Variants in APBA1 observed in about 807,000 individuals in gnomAD.
APBA1 encodes the protein amyloid beta precursor protein binding family A member 1.
APBA1 carries 55 observed loss-of-function variants against 86.6 expected under a neutral mutation model. The observed-to-expected ratio is 0.64, with a 90% confidence interval of 0.51 to 0.80. APBA1 has a LOEUF of 0.80. Ranked by LOEUF, APBA1 falls within the 30% of genes least tolerant of loss-of-function variation. The pLI, the probability that APBA1 is intolerant of heterozygous loss-of-function variation, is 0.00. For synonymous variants in APBA1, 511 were observed against 493.9 expected, an observed-to-expected ratio of 1.03 and a Z score of -0.46; for missense variants, 1,090 against 1,183.0, an observed-to-expected ratio of 0.92 and a Z score of 1.15.
chr9:69,522,509 A>G (rs1564065852), intron 1 of APBA1, among the ~76,000 whole-genome samples: 2 of 152,202 alleles, frequency 1.3e-5, no homozygotes, highest in Non-Finnish European at 2.9e-5. Context: ...TGTTAATCCA[A>G]TGGGCATTTA....
chr9:69,536,867 A>G (rs1836520135), intron 1 of APBA1, among the ~76,000 whole-genome samples: 1 of 151,122 alleles, frequency 6.6e-6, no homozygotes, highest in Admixed American at 6.6e-5. Flanking sequence ...GTGACAGAGC[A>G]AGACTCTGTC....
At chr9:69,635,726 A>C (rs73453567) in intron 1 of APBA1, among the ~76,000 whole-genome samples, 7,835 of 152,256 alleles carry the variant, frequency 0.051, 303 homozygotes, top group African/African-American at 0.1. Flanking sequence ...ATATTTCAAG[A>C]CAAAAACTGT....
chr9:69,605,943 A>G (rs1443687589), intron 1 of APBA1, among the ~76,000 whole-genome samples: 2 of 152,226 alleles, frequency 1.3e-5, no homozygotes, highest in Non-Finnish European at 2.9e-5. Context: ...TGCATGGAAA[A>G]TTCTCAAAGA....
At chr9:69,483,135 T>TCAATAAAA (rs1835547605) in intron 2 of APBA1, among the ~76,000 whole-genome samples, 1 of 131,560 alleles carries the variant, frequency 7.6e-6, no homozygotes. Flanking sequence ...AAAAATTAAG[T>TCAATAAAA]CAAAAAAACA....
At chr9:69,602,109 T>C (rs908607230) in intron 1 of APBA1, among the ~76,000 whole-genome samples, 2 of 152,242 alleles carry the variant, frequency 1.3e-5, no homozygotes, top group African/African-American at 2.4e-5. Context: ...ATTAATCCCT[T>C]CTTTTTTCAT....
At chr9:69,510,201 C>A (rs1195089483) in intron 2 of APBA1, among the ~76,000 whole-genome samples, 1 of 149,972 alleles carries the variant, frequency 6.7e-6, no homozygotes, top group Non-Finnish European at 1.5e-5. Flanking sequence ...TCTCCTTAAG[C>A]TGATAAGCAA....
chr9:69,631,823 G>A (rs1030657720), intron 1 of APBA1, among the ~76,000 whole-genome samples: 4 of 152,112 alleles, frequency 2.6e-5, no homozygotes, highest in Non-Finnish European at 4.4e-5. Context: ...ACCAAATGCC[G>A]CATGTTCTCA....
intron 8 of APBA1, among the ~76,000 whole-genome samples, chr9:69,454,346 T>C (rs936582686): frequency 2.0e-5 from 3 of 152,210 alleles, no homozygotes; most frequent in South Asian, 2.1e-4. Flanking sequence ...CCTGGGAATG[T>C]GACCAGTCGA....
chr9:69,614,876 T>C (rs957371173), intron 1 of APBA1, among the ~76,000 whole-genome samples: 4 of 152,178 alleles, frequency 2.6e-5, no homozygotes, highest in African/African-American at 4.8e-5. Context: ...TCTTTAAATG[T>C]TTTGTTTTCC....
chr9:69,618,235 G>A (rs973726657), intron 1 of APBA1, among the ~76,000 whole-genome samples: 1 of 152,130 alleles, frequency 6.6e-6, no homozygotes, highest in African/African-American at 2.4e-5. Flanking sequence ...TAACTTGGTG[G>A]AACATCCCCA....
Position 69,428,937 on chromosome 9 carries a change from G to A in APBA1, c.*2390C>T, listed in dbSNP as rs1417933955. The A allele has an allele frequency of 6.6e-6, 1 of 152,226 alleles. No individual in the cohort carries two copies. The highest frequency in any genetic ancestry group is 2.4e-5 in the African/African-American group (1 of 41,460). The allele number at this position is 152,226 out of a possible 1,614,324, so 9.4% of individuals were successfully genotyped here. A position where few individuals can be genotyped will look rare whatever the true frequency, so the allele number is the denominator to read the frequency against. On this transcript the variant is annotated 3_prime_UTR_variant, in exon 13 of 13. Transcript: ENST00000265381. ...TAATGTTACAATGTCAGTCCTCTAGGAGAGCTTGCAGAATTGGCTTTTTCA... is the reference window on the plus strand; with the variant it reads ...TAATGTTACAATGTCAGTCCTCTAGAAGAGCTTGCAGAATTGGCTTTTTCA...
intron 5 of APBA1, among the ~76,000 whole-genome samples, chr9:69,460,380 A>C (rs1835170392): frequency 6.6e-6 from 1 of 152,198 alleles, no homozygotes; most frequent in Non-Finnish European, 1.5e-5. Context: ...ATGTTATGCC[A>C]TGCCACACCA....
At chr9:69,434,710 TTA>T (rs1491215903) in intron 11 of APBA1, among the ~76,000 whole-genome samples, 2 of 148,252 alleles carry the variant, frequency 1.3e-5, no homozygotes, top group African/African-American at 5.0e-5. Flanking sequence ...CCATCTCAAT[TTA>T]AAAAAAAAAA....
intron 1 of APBA1, among the ~76,000 whole-genome samples, chr9:69,557,438 C>T (rs1480585263): frequency 6.6e-6 from 1 of 152,134 alleles, no homozygotes. Context: ...ATGAATAACC[C>T]AAAATTCATC....
chr9:69,451,492 C>T (rs1035704427), intron 9 of APBA1, among the ~76,000 whole-genome samples: 4 of 152,202 alleles, frequency 2.6e-5, no homozygotes, highest in Non-Finnish European at 4.4e-5. Context: ...ATCTCCTTTC[C>T]TGTGCCTACC....
intron 1 of APBA1, among the ~76,000 whole-genome samples, chr9:69,655,866 T>C (rs553530118): frequency 7.2e-5 from 11 of 152,304 alleles, no homozygotes; most frequent in South Asian, 6.2e-4. Context: ...CAAGGTATTA[T>C]ATATTTTAAG....
At chr9:69,512,687 T>C (rs544997127) in intron 2 of APBA1, among the ~76,000 whole-genome samples, 123 of 152,318 alleles carry the variant, frequency 8.1e-4, no homozygotes, top group Non-Finnish European at 1.4e-3. Flanking sequence ...CATTTTTTCC[T>C]TTAAATCAGT....
At chr9:69,538,311 C>G (rs1170178709) in intron 1 of APBA1, among the ~76,000 whole-genome samples, 3 of 152,190 alleles carry the variant, frequency 2.0e-5, no homozygotes, top group African/African-American at 7.2e-5. Flanking sequence ...ATTTAAAATT[C>G]TAATTACGGG....
chr9:69,643,286 T>C (rs1312033404), intron 1 of APBA1, among the ~76,000 whole-genome samples: 1 of 152,194 alleles, frequency 6.6e-6, no homozygotes. Context: ...GTAACTTTGC[T>C]GTCCTCAAGG....
Sources: gnomAD v4.1 joint callset for allele counts (sites outside exome capture counted in the v4.1 genomes callset) on GRCh38, gnomAD v4.1.1 for gene constraint, MANE v1.5 for transcripts, NCBI Gene and HGNC (gene_info 2026-07-23, HGNC 2026-07-21) for gene names.